The following ASIC2 variants were observed in gnomAD, a reference collection of about 807,000 sequenced individuals.
The protein encoded by ASIC2 is acid-sensing ion channel 2.
In ASIC2, 25 loss-of-function variants were observed where a neutral mutation model predicts 57.3. The ratio of observed to expected loss-of-function variants is 0.44; its 90% CI spans 0.32 to 0.61. ASIC2 has a LOEUF of 0.61. ASIC2 is among the 20% of genes least tolerant of loss of function. The pLI is 0.06. For synonymous variants in ASIC2, 319 were observed against 307.5 expected (o/e 1.04, Z -0.39); for missense variants, 641 against 738.1 (o/e 0.87, Z 1.52).
intron 1 of ASIC2, among the ~76,000 whole-genome samples, chr17:34,036,109 C>T (rs887511317): frequency 6.6e-6 from 1 of 151,980 alleles, no homozygotes; most frequent in Non-Finnish European, 1.5e-5. Flanking sequence ...ATAGCAAAGA[C>T]TTGGAACCAA....
chr17:34,042,007 G>A (rs956114813), intron 1 of ASIC2, among the ~76,000 whole-genome samples: 3 of 152,158 alleles, frequency 2.0e-5, no homozygotes, highest in Admixed American at 1.3e-4. Context: ...TCTCATTAGA[G>A]AATTGTAGGA....
At chr17:33,043,205 G>A (rs546525997) in intron 3 of ASIC2, among the ~76,000 whole-genome samples, 15 of 152,300 alleles carry the variant, frequency 9.8e-5, no homozygotes, top group East Asian at 7.7e-4. Context: ...GATTACAGGC[G>A]TGAGCCACCA....
intron 1 of ASIC2, among the ~76,000 whole-genome samples, chr17:33,606,523 A>T (rs912292658): frequency 2.6e-5 from 4 of 152,200 alleles, no homozygotes; most frequent in Non-Finnish European, 1.5e-5. Context: ...GTCTTTAAAG[A>T]TGCCCCCTCC....
At chr17:33,405,566 C>T (rs928828056) in intron 1 of ASIC2, among the ~76,000 whole-genome samples, 1 of 151,220 alleles carries the variant, frequency 6.6e-6, no homozygotes, top group Non-Finnish European at 1.5e-5. Context: ...TCACTGCAAC[C>T]TCTGCCTCCT....
intron 1 of ASIC2, among the ~76,000 whole-genome samples, chr17:33,738,303 G>A (rs1909987912): frequency 6.6e-6 from 1 of 152,194 alleles, no homozygotes; most frequent in Non-Finnish European, 1.5e-5. Context: ...TGGATGACTT[G>A]AATCATTAGA....
chr17:34,048,693 T>A (rs956591070), intron 1 of ASIC2, among the ~76,000 whole-genome samples: 3 of 152,210 alleles, frequency 2.0e-5, no homozygotes, highest in African/African-American at 7.2e-5. Context: ...CTCCTTTCTT[T>A]CCAGCTCACA....
intron 1 of ASIC2, among the ~76,000 whole-genome samples, chr17:33,493,966 C>T (rs1328449074): frequency 6.6e-6 from 1 of 152,228 alleles, no homozygotes; most frequent in Non-Finnish European, 1.5e-5. Flanking sequence ...TTAAGATACT[C>T]CTCTCAAAGG....
chr17:33,680,764 A>G (rs3115690), intron 1 of ASIC2: 49,843 of 152,122 alleles, frequency 0.33, 8,638 homozygotes, highest in African/African-American at 0.45. Flanking sequence ...GCCTGAGCTC[A>G]GGGTCTGCGT....
intron 1 of ASIC2, among the ~76,000 whole-genome samples, chr17:33,416,188 C>T (rs890076078): frequency 6.6e-6 from 1 of 152,166 alleles, no homozygotes; most frequent in African/African-American, 2.4e-5. Context: ...ACTCACACAC[C>T]CAATTCACAC....
At chr17:33,254,657 TG>T (rs1908996962) in intron 1 of ASIC2, among the ~76,000 whole-genome samples, 1 of 152,150 alleles carries the variant, frequency 6.6e-6, no homozygotes, top group South Asian at 2.1e-4. Flanking sequence ...CTTCCCTGAT[TG>T]TCTCTCCCAC....
chr17:33,201,465 G>A (rs954550473), intron 1 of ASIC2, among the ~76,000 whole-genome samples: 2 of 152,182 alleles, frequency 1.3e-5, no homozygotes, highest in African/African-American at 2.4e-5. Flanking sequence ...TCCATGAGAC[G>A]TGCCCACCAA....
intron 1 of ASIC2, chr17:33,541,389 T>A (rs1354889892): frequency 2.0e-5 from 3 of 152,110 alleles, no homozygotes; most frequent in Non-Finnish European, 4.4e-5. Context: ...AACAGAGTGA[T>A]TGAGTGGCTG....
chr17:33,987,774 A>G (rs1419266032), intron 1 of ASIC2, among the ~76,000 whole-genome samples: 1 of 152,198 alleles, frequency 6.6e-6, no homozygotes, highest in Non-Finnish European at 1.5e-5. Flanking sequence ...ATTTGTGTTC[A>G]CCCATGCTTT....
chr17:33,343,065 T>A (rs1183999402), intron 1 of ASIC2, among the ~76,000 whole-genome samples: 1 of 152,154 alleles, frequency 6.6e-6, no homozygotes, highest in Non-Finnish European at 1.5e-5. Context: ...GAAGGCTAAG[T>A]CTGGTCAGGG....
At chr17:33,086,166 T>C (rs2092133181) in intron 3 of ASIC2, among the ~76,000 whole-genome samples, 1 of 152,186 alleles carries the variant, frequency 6.6e-6, no homozygotes, top group South Asian at 2.1e-4. Context: ...ATCTTACTAA[T>C]GGAAGATCAG....
intron 1 of ASIC2, among the ~76,000 whole-genome samples, chr17:34,112,369 T>C (rs1911302160): frequency 6.6e-6 from 1 of 151,046 alleles, no homozygotes; most frequent in Admixed American, 6.6e-5. Flanking sequence ...ATAAATGTAT[T>C]AGCTAACAAA....
At chr17:34,008,908 G>A (rs1189617026) in intron 1 of ASIC2, among the ~76,000 whole-genome samples, 2 of 152,202 alleles carry the variant, frequency 1.3e-5, no homozygotes, top group South Asian at 2.1e-4. Context: ...GGAGAGAACT[G>A]ACAACAAGGA....
chr17:33,848,462 G>T (rs185925912), intron 1 of ASIC2, among the ~76,000 whole-genome samples: 2 of 152,132 alleles, frequency 1.3e-5, no homozygotes, highest in Non-Finnish European at 2.9e-5. Context: ...TAGCCCAAAA[G>T]CAACAGAGGA....
At chr17:33,447,971 T>A (rs1042207449) in intron 1 of ASIC2, among the ~76,000 whole-genome samples, 1 of 147,458 alleles carries the variant, frequency 6.8e-6, no homozygotes, top group Non-Finnish European at 1.5e-5. Context: ...ATCCCAAGTA[T>A]ACTGATTTGA....
Sources: gnomAD v4.1 joint callset for allele counts (sites outside exome capture counted in the v4.1 genomes callset) on GRCh38, gnomAD v4.1.1 for gene constraint, MANE v1.5 for transcripts, NCBI Gene and HGNC (gene_info 2026-07-23, HGNC 2026-07-21) for gene names.